The following SHROOM3 variants were observed in gnomAD, a reference collection of about 807,000 sequenced individuals.
The protein encoded by SHROOM3 is protein Shroom3.
A neutral mutation model predicts 138.6 loss-of-function variants in SHROOM3; 47 were observed. The ratio of observed to expected loss-of-function variants is 0.34; its 90% CI spans 0.27 to 0.43. SHROOM3 has a LOEUF of 0.43. Among genes scored for constraint, SHROOM3 ranks in the 20% least tolerant of loss-of-function variants. SHROOM3 has a pLI of 1.00. For missense variants in SHROOM3, 2,491 were observed against 2,596.5 expected (o/e 0.96, Z 0.88); for synonymous variants, 1,062 against 1,063.3 (o/e 1.00, Z 0.02).
intron 9 of SHROOM3, among the ~76,000 whole-genome samples, chr4:76,764,831 G>A (rs528895037): frequency 4.4e-4 from 67 of 152,238 alleles, no homozygotes; most frequent in Middle Eastern, 6.8e-3. Flanking sequence ...TGAGTTGATC[G>A]TATTTGGGGT....
chr4:76,741,196 G>A lies in SHROOM3; in HGVS notation c.3023G>A (p.Arg1008His), dbSNP rs894112534. ...CCCCCTGCCGCCCGGAGAGGTGCTC[G>A]CCGGCGCCTGACTCCCGAGCAGAAG... ...PVPPAARRGA[R>H]RRLTPEQKKR... Residue 1008 changes from arginine (R) to histidine (H), a missense_variant, in exon 5 of 11, where the codon CGC becomes CAC. Around this residue, in one of 4 missense-constraint regions of SHROOM3, gnomAD observed 1,733 missense variants for 1,661.6 expected, o/e 1.04. Transcript: ENST00000296043. The surrounding 1 kb of genome is among the most constrained non-coding windows in gnomAD (Gnocchi z 6.2). 15 of 1,599,842 alleles carry A rather than the reference G, an allele frequency of 9.4e-6. No individual in the cohort carries two copies. The highest frequency in any genetic ancestry group is 2.7e-5 in the African/African-American group (2 of 74,694).
intron 1 of SHROOM3, among the ~76,000 whole-genome samples, chr4:76,486,348 T>A (rs1731730412): frequency 6.6e-6 from 1 of 152,258 alleles, no homozygotes; most frequent in Admixed American, 6.5e-5. Flanking sequence ...TAATTTATAA[T>A]CATGTGATGG....
chr4:76,644,954 A>T (rs1320457311), intron 2 of SHROOM3, among the ~76,000 whole-genome samples: 1 of 152,202 alleles, frequency 6.6e-6, no homozygotes, highest in Non-Finnish European at 1.5e-5. Flanking sequence ...AGCACTTATG[A>T]GCCAGCAACT....
intron 1 of SHROOM3, among the ~76,000 whole-genome samples, chr4:76,507,466 T>C (rs1732235167): frequency 6.6e-6 from 1 of 152,158 alleles, no homozygotes; most frequent in Admixed American, 6.6e-5. Flanking sequence ...CTTATTGTGA[T>C]TTTGACTTGC....
chr4:76,688,737 A>T, intron 2 of SHROOM3: 1 of 985,416 alleles, frequency 1.0e-6, no homozygotes, highest in Non-Finnish European at 1.2e-6. Context: ...ATTTTCTAAA[A>T]TTCCAAAGTT....
chr4:76,671,430 G>A (rs1477670460), intron 2 of SHROOM3, among the ~76,000 whole-genome samples: 4 of 152,160 alleles, frequency 2.6e-5, no homozygotes, highest in African/African-American at 4.8e-5. Flanking sequence ...ATCTGGAGCC[G>A]GCCAGGCCTT....
chr4:76,661,739 T>C (rs1736192653), intron 2 of SHROOM3, among the ~76,000 whole-genome samples: 1 of 152,220 alleles, frequency 6.6e-6, no homozygotes, highest in African/African-American at 2.4e-5. Context: ...TTTATCTGTG[T>C]TGTTGCTTGT....
intron 9 of SHROOM3, among the ~76,000 whole-genome samples, chr4:76,763,328 A>G (rs920583868): frequency 3.3e-5 from 5 of 152,216 alleles, no homozygotes; most frequent in Non-Finnish European, 7.4e-5. Context: ...CAGAGGTTGC[A>G]GTGAGCTGAG....
intron 2 of SHROOM3, among the ~76,000 whole-genome samples, chr4:76,568,141 G>C (rs1051460382): frequency 6.6e-6 from 1 of 152,110 alleles, no homozygotes; most frequent in African/African-American, 2.4e-5. Context: ...GCAGTGCTTG[G>C]AATGGTTCCT....
chr4:76,663,382 A>G (rs1718595715), intron 2 of SHROOM3, among the ~76,000 whole-genome samples: 1 of 152,044 alleles, frequency 6.6e-6, no homozygotes, highest in Admixed American at 6.6e-5. Context: ...CTGGCATTCA[A>G]GATACTCTCA....
chr4:76,688,271 G>T (rs987685162), intron 2 of SHROOM3: 1 of 423,668 alleles, frequency 2.4e-6, no homozygotes, highest in Non-Finnish European at 3.2e-6. Flanking sequence ...GCAGGGAGGA[G>T]CCTGTCCATG....
At chr4:76,673,258 A>C (rs761902420) in intron 2 of SHROOM3, among the ~76,000 whole-genome samples, 2 of 152,182 alleles carry the variant, frequency 1.3e-5, no homozygotes, top group Non-Finnish European at 2.9e-5. Flanking sequence ...ATGAATCTCT[A>C]TCAGACTTGA....
intron 2 of SHROOM3, among the ~76,000 whole-genome samples, chr4:76,589,647 A>G (rs1374160566): frequency 6.6e-6 from 1 of 152,194 alleles, no homozygotes; most frequent in African/African-American, 2.4e-5. Flanking sequence ...AAAGCTCCCT[A>G]GTAAGCAGTA....
chr4:76,740,761 G>GCTGA lies in SHROOM3; in HGVS notation c.2589_2590insTGAC (p.Gly864Ter), dbSNP rs1721222520. ...TTGGAAGAGGCTTCCCGGCAGCCCT[G>GCTGA]CGGTCAGCAGCTGAGCGGAGGAGCG... On this transcript the variant is annotated stop_gained and frameshift_variant, in exon 5 of 11. Coordinates refer to ENST00000296043, the MANE Select transcript of SHROOM3 (RefSeq NM_020859.4). LOFTEE classifies it high-confidence loss of function. The surrounding 1 kb of genome is among the most constrained non-coding windows in gnomAD (Gnocchi z 4.0). The GCTGA allele has an allele frequency of 1.2e-6, 2 of 1,612,932 alleles. No homozygotes were observed. The highest frequency in any genetic ancestry group is 1.7e-6 in the Non-Finnish European group (2 of 1,179,980).
intron 1 of SHROOM3, among the ~76,000 whole-genome samples, chr4:76,551,330 G>C (rs1301768430): frequency 6.6e-6 from 1 of 152,174 alleles, no homozygotes. Flanking sequence ...ATGAGGACAT[G>C]ATATAAACTA....
At chr4:76,726,944 G>C (rs1376211386) in intron 3 of SHROOM3, among the ~76,000 whole-genome samples, 1 of 152,154 alleles carries the variant, frequency 6.6e-6, no homozygotes, top group Non-Finnish European at 1.5e-5. Context: ...GACAGATACT[G>C]TTGGGTGATG....
chr4:76,525,304 CTT>C (rs957495710), intron 1 of SHROOM3, among the ~76,000 whole-genome samples: 34 of 152,246 alleles, frequency 2.2e-4, no homozygotes, highest in African/African-American at 8.2e-4. Flanking sequence ...ATGCCAGACA[CTT>C]ATAAAACCAT....
chr4:76,551,118 A>G (rs1733344203), intron 1 of SHROOM3, among the ~76,000 whole-genome samples: 1 of 149,590 alleles, frequency 6.7e-6, no homozygotes, highest in African/African-American at 2.4e-5. Context: ...CGATCCTCCC[A>G]CCTCAGCCTC....
chr4:76,686,415 C>G (rs1315172065), intron 2 of SHROOM3, among the ~76,000 whole-genome samples: 1 of 151,896 alleles, frequency 6.6e-6, no homozygotes, highest in Non-Finnish European at 1.5e-5. Context: ...ATTGAGAACC[C>G]AAATAATGTA....
Sources: allele counts gnomAD v4.1 joint callset (sites outside exome capture counted in the v4.1 genomes callset), GRCh38; gene constraint gnomAD v4.1.1; regional missense constraint gnomAD v4.1.1; non-coding constraint Gnocchi (gnomAD v3.1); transcripts MANE v1.5; gene names NCBI Gene and HGNC (gene_info 2026-07-23, HGNC 2026-07-21).